Variants in CTNNA3 observed in about 807,000 individuals in gnomAD.
The protein encoded by CTNNA3 is catenin alpha-3.
A neutral mutation model predicts 95.7 loss-of-function variants in CTNNA3; 76 were observed. The observed-to-expected ratio is 0.79, with a 90% CI of 0.66 to 0.96. The LOEUF (loss-of-function observed/expected upper bound fraction) is 0.96, where lower values mean the gene tolerates loss of function less well. CTNNA3 is among the 40% of genes least tolerant of loss of function. CTNNA3 has a pLI of 0.00. For missense variants in CTNNA3, 1,191 were observed against 1,089.8 expected (o/e 1.09, Z -1.31); for synonymous variants, 431 against 374.4 (o/e 1.15, Z -1.74).
At chr10:66,544,672 C>A (rs1445802145) in intron 10 of CTNNA3, among the ~76,000 whole-genome samples, 1 of 152,070 alleles carries the variant, frequency 6.6e-6, no homozygotes, top group Admixed American at 6.6e-5. Context: ...AAAATGAAGT[C>A]AGCACTCAAT....
At chr10:66,593,563 G>A (rs1057474000) in intron 10 of CTNNA3, among the ~76,000 whole-genome samples, 1 of 152,038 alleles carries the variant, frequency 6.6e-6, no homozygotes, top group African/African-American at 2.4e-5. Context: ...ACCACACTTT[G>A]AATATCACTA....
chr10:66,199,805 A>ATATGTATATATATATTTTTTTT (rs1564756586), intron 13 of CTNNA3, among the ~76,000 whole-genome samples: 1 of 14,292 alleles, frequency 7.0e-5, no homozygotes. Flanking sequence ...ATATATATAT[A>ATATGTATATATATATTTTTTTT]TTTTTTTTTT....
At chr10:66,621,205 C>T (rs1168316930) in intron 10 of CTNNA3, among the ~76,000 whole-genome samples, 1 of 152,060 alleles carries the variant, frequency 6.6e-6, no homozygotes, top group East Asian at 1.9e-4. Flanking sequence ...AAAAATAAAT[C>T]AAATCATTTG....
intron 13 of CTNNA3, among the ~76,000 whole-genome samples, chr10:66,183,724 G>A (rs964088137): frequency 4.6e-5 from 7 of 152,134 alleles, no homozygotes; most frequent in Admixed American, 1.3e-4. Context: ...GTAAACACTT[G>A]ACATTGTGAC....
chr10:67,099,266 T>G (rs1858193733), intron 7 of CTNNA3: 1 of 151,774 alleles, frequency 6.6e-6, no homozygotes, highest in South Asian at 2.1e-4. Flanking sequence ...GCTGTTTGCT[T>G]GACATAGGTT....
intron 5 of CTNNA3, among the ~76,000 whole-genome samples, chr10:67,376,672 G>A (rs999668563): frequency 4.6e-5 from 7 of 152,192 alleles, no homozygotes. Context: ...TTAGGACGTA[G>A]ACAAAAGAAA....
intron 7 of CTNNA3, among the ~76,000 whole-genome samples, chr10:66,848,152 G>A (rs1233826143): frequency 6.6e-6 from 1 of 152,176 alleles, no homozygotes; most frequent in Non-Finnish European, 1.5e-5. Context: ...AAATGAAAGA[G>A]TTTAGACTTA....
intron 9 of CTNNA3, among the ~76,000 whole-genome samples, chr10:66,655,514 CT>C (rs1846045162): frequency 6.6e-6 from 1 of 152,016 alleles, no homozygotes; most frequent in Admixed American, 6.5e-5. Flanking sequence ...GAAAGATTCA[CT>C]CATGCTTTGC....
chr10:67,268,370 A>T (rs1451369549), intron 5 of CTNNA3, among the ~76,000 whole-genome samples: 3 of 150,552 alleles, frequency 2.0e-5, no homozygotes, highest in East Asian at 1.9e-4. Context: ...AATAAATAAA[A>T]AATCAGCCGT....
At chr10:66,429,366 C>A (rs1021704392) in intron 11 of CTNNA3, among the ~76,000 whole-genome samples, 2 of 152,106 alleles carry the variant, frequency 1.3e-5, no homozygotes, top group East Asian at 1.9e-4. Context: ...CTATTCCAAC[C>A]AATAGAAAAA....
At chr10:67,267,702 G>A (rs983570582) in intron 5 of CTNNA3, among the ~76,000 whole-genome samples, 1 of 152,130 alleles carries the variant, frequency 6.6e-6, no homozygotes, top group African/African-American at 2.4e-5. Flanking sequence ...TATACTGTGT[G>A]ATATTTAGAA....
chr10:67,637,855 TGAAGGAAGCACTAAACATGG>T (rs1417955074), intron 2 of CTNNA3, among the ~76,000 whole-genome samples: 1 of 152,120 alleles, frequency 6.6e-6, no homozygotes, highest in East Asian at 1.9e-4. Flanking sequence ...AAAGAGCTCC[TGAAGGAAGCACTAAACATGG>T]GAAGGAACAA....
At chr10:67,418,319 A>T (rs190698182) in intron 5 of CTNNA3, among the ~76,000 whole-genome samples, 109 of 152,238 alleles carry the variant, frequency 7.2e-4, no homozygotes, top group Non-Finnish European at 1.0e-3. Flanking sequence ...AAATCGTAAA[A>T]ATAGAACTAC....
At chr10:67,345,922 G>A (rs1842397018) in intron 5 of CTNNA3, among the ~76,000 whole-genome samples, 1 of 151,900 alleles carries the variant, frequency 6.6e-6, no homozygotes, top group Non-Finnish European at 1.5e-5. Context: ...TTCCCTTCAT[G>A]TCTCCCTTTG....
At chr10:66,481,844 T>C (rs866564983) in intron 11 of CTNNA3, among the ~76,000 whole-genome samples, 2 of 152,198 alleles carry the variant, frequency 1.3e-5, no homozygotes, top group South Asian at 4.1e-4. Flanking sequence ...AGGAACGACA[T>C]GTGTTGGTCC....
rs2133195813 is a variant in CTNNA3, at chr10:67,536,545, T to C, written c.459+2958A>G. On this transcript the variant is annotated intron_variant, in intron 4 of 17. Coordinates refer to ENST00000433211, the MANE Select transcript of CTNNA3 (RefSeq NM_013266.4). ...AGTTTCTCCACTATGATTCTTTTGA[T>C]TCCAAGTAGAAGCTAATATTGTCAT... Among the ~76,000 whole-genome samples the C allele has an allele frequency of 1.3e-5, 2 of 152,276 alleles. 1 individual carries two copies. The highest frequency in any genetic ancestry group is 4.1e-4 in the South Asian group (2 of 4,830).
intron 7 of CTNNA3, among the ~76,000 whole-genome samples, chr10:66,993,129 G>T (rs1240707633): frequency 6.6e-6 from 1 of 152,148 alleles, no homozygotes; most frequent in African/African-American, 2.4e-5. Flanking sequence ...TCGCATGGTT[G>T]ACTACCACAG....
rs547578095 is a variant in CTNNA3, at chr10:66,123,394, C to T, written c.1885-20145G>A. Reference sequence around the variant, plus strand: ...GGGTTCCCATGGTCTTGGGCAGCTCCGTCCCTGTGGCTTTGCAGGGTACAG... The same window carrying T: ...GGGTTCCCATGGTCTTGGGCAGCTCTGTCCCTGTGGCTTTGCAGGGTACAG... On this transcript the variant is annotated intron_variant, in intron 13 of 17. Transcript: ENST00000433211. Among the ~76,000 whole-genome samples the T allele has an allele frequency of 1.4e-4, 22 of 152,234 alleles. No homozygotes were observed. In the South Asian group the frequency reaches 1.7e-3, roughly 11 times the overall value.
intron 5 of CTNNA3, among the ~76,000 whole-genome samples, chr10:67,433,467 T>C (rs1267769660): frequency 6.6e-6 from 1 of 151,982 alleles, no homozygotes; most frequent in African/African-American, 2.4e-5. Context: ...CCACACGCTG[T>C]TGGGAAAATG....
Sources: gnomAD v4.1 joint callset for allele counts (sites outside exome capture counted in the v4.1 genomes callset) on GRCh38, gnomAD v4.1.1 for gene constraint, MANE v1.5 for transcripts, NCBI Gene and HGNC (gene_info 2026-07-23, HGNC 2026-07-21) for gene names.